PRR16: variants seen among roughly 807,000 people sequenced by gnomAD.
PRR16 encodes the protein protein Largen.
In PRR16, 6 loss-of-function variants were observed where a neutral mutation model predicts 18.2. That is an observed-to-expected ratio of 0.33 (90% CI 0.18 to 0.65). PRR16 has a LOEUF of 0.65. PRR16 is among the 30% of genes least tolerant of loss of function. The probability of loss-of-function intolerance (pLI) is 0.74; values close to 1 mark genes in which losing one functional copy is unlikely to be tolerated. For synonymous variants in PRR16, 151 were observed against 147.8 expected (o/e 1.02, Z -0.16); for missense variants, 412 against 376.6 (o/e 1.09, Z -0.78).
intron 1 of PRR16, among the ~76,000 whole-genome samples, chr5:120,520,979 G>A (rs932573254): frequency 1.3e-5 from 2 of 152,046 alleles, no homozygotes; most frequent in East Asian, 3.9e-4. Flanking sequence ...CTTATTAGAA[G>A]TGCCACAGGA....
chr5:120,643,439 C>T (rs899679876), intron 1 of PRR16, among the ~76,000 whole-genome samples: 2 of 151,910 alleles, frequency 1.3e-5, no homozygotes, highest in Non-Finnish European at 2.9e-5. Context: ...TGTTTAAACT[C>T]AGAAGTGATA....
intron 1 of PRR16, among the ~76,000 whole-genome samples, chr5:120,544,235 A>G (rs1752004336): frequency 6.6e-6 from 1 of 152,174 alleles, no homozygotes; most frequent in East Asian, 1.9e-4. Context: ...ACTGTAGCCC[A>G]GAGGAATGCC....
intron 1 of PRR16, among the ~76,000 whole-genome samples, chr5:120,643,701 A>G (rs1755497738): frequency 6.6e-6 from 1 of 152,012 alleles, no homozygotes; most frequent in African/African-American, 2.4e-5. Context: ...ATTGAAGATA[A>G]CCTTAAAGCT....
At chr5:120,545,556 A>G (rs1203098416) in intron 1 of PRR16, among the ~76,000 whole-genome samples, 1 of 152,094 alleles carries the variant, frequency 6.6e-6, no homozygotes, top group African/African-American at 2.4e-5. Flanking sequence ...CATATATAAA[A>G]TAAGCACTAA....
At chr5:120,706,541 G>C in the PRR16 span, among the ~76,000 whole-genome samples, 3 of 152,080 alleles carry the variant, frequency 2.0e-5, no homozygotes, top group African/African-American at 4.8e-5. Context: ...CCTGATCTTT[G>C]AAAAGAGACA....
chr5:120,785,554 T>C, the PRR16 span, among the ~76,000 whole-genome samples: 2 of 150,722 alleles, frequency 1.3e-5, no homozygotes, highest in Admixed American at 6.6e-5. Flanking sequence ...TGTGTATGTG[T>C]GTGTGTGTTT....
At chr5:120,788,294 A>G in the PRR16 span, among the ~76,000 whole-genome samples, 1 of 152,148 alleles carries the variant, frequency 6.6e-6, no homozygotes, top group African/African-American at 2.4e-5. Context: ...TAAACAAATA[A>G]TAGATTGAAG....
chr5:120,564,316 AG>A, intron 1 of PRR16, among the ~76,000 whole-genome samples: 1 of 152,148 alleles, frequency 6.6e-6, no homozygotes, highest in South Asian at 2.1e-4. Context: ...GCCCAACACT[AG>A]ACTTTGCCTA....
chr5:120,552,936 C>A (rs774259078), intron 1 of PRR16, among the ~76,000 whole-genome samples: 1 of 151,848 alleles, frequency 6.6e-6, no homozygotes, highest in Non-Finnish European at 1.5e-5. Context: ...ACCTCTGCAA[C>A]TAACCAGTTA....
intron 1 of PRR16, among the ~76,000 whole-genome samples, chr5:120,624,917 G>A (rs1754812777): frequency 6.6e-6 from 1 of 152,050 alleles, no homozygotes; most frequent in Admixed American, 6.6e-5. Flanking sequence ...GTTTTAAAAA[G>A]GAGAGGTTCC....
At chr5:120,562,522 T>C (rs1461883630) in intron 1 of PRR16, among the ~76,000 whole-genome samples, 4 of 152,160 alleles carry the variant, frequency 2.6e-5, no homozygotes, top group Non-Finnish European at 1.5e-5. Context: ...TTTTGTTATT[T>C]ATGTTCTGAT....
the PRR16 span, chr5:120,790,917 A>T: frequency 2.0e-5 from 3 of 152,218 alleles, no homozygotes; most frequent in Non-Finnish European, 4.4e-5. Context: ...CATCTACAGA[A>T]TAACAATGAA....
chr5:120,694,307 C>A, the PRR16 span, among the ~76,000 whole-genome samples: 2 of 152,124 alleles, frequency 1.3e-5, no homozygotes, highest in African/African-American at 4.8e-5. Flanking sequence ...CCTAATAATT[C>A]TCTTAGAACC....
chr5:120,549,703 C>T (rs555722641), intron 1 of PRR16, among the ~76,000 whole-genome samples: 1 of 151,812 alleles, frequency 6.6e-6, no homozygotes, highest in Non-Finnish European at 1.5e-5. Flanking sequence ...ATTCAAATCT[C>T]GTAAGCTTAT....
chr5:120,750,584 T>G, the PRR16 span, among the ~76,000 whole-genome samples: 1 of 151,876 alleles, frequency 6.6e-6, no homozygotes, highest in Non-Finnish European at 1.5e-5. Flanking sequence ...GGAGAATCGC[T>G]TGGACATGGG....
chr5:120,570,677 G>T (rs1003293538), intron 1 of PRR16, among the ~76,000 whole-genome samples: 1 of 152,034 alleles, frequency 6.6e-6, no homozygotes, highest in African/African-American at 2.4e-5. Flanking sequence ...AGTGCATTAA[G>T]TACTTTGATG....
the PRR16 span, among the ~76,000 whole-genome samples, chr5:120,759,145 T>A: frequency 6.6e-6 from 1 of 151,774 alleles, no homozygotes; most frequent in Non-Finnish European, 1.5e-5. Context: ...CCTGGCTAAT[T>A]TTTTGTATTT....
At chr5:120,705,963 A>G in the PRR16 span, among the ~76,000 whole-genome samples, 2 of 152,214 alleles carry the variant, frequency 1.3e-5, no homozygotes, top group African/African-American at 4.8e-5. Context: ...TTGAAAAAAC[A>G]TATTTACTCA....
intron 1 of PRR16, among the ~76,000 whole-genome samples, chr5:120,479,913 T>C (rs1173918107): frequency 1.3e-5 from 2 of 152,188 alleles, no homozygotes; most frequent in Non-Finnish European, 2.9e-5. Flanking sequence ...AATAAATTAC[T>C]TTCAATAACT....
Sources: allele counts gnomAD v4.1 joint callset (sites outside exome capture counted in the v4.1 genomes callset), GRCh38; gene constraint gnomAD v4.1.1; transcripts MANE v1.5; gene names NCBI Gene and HGNC (gene_info 2026-07-23, HGNC 2026-07-21).